Variants in CD38 observed in about 807,000 individuals in gnomAD.
The protein encoded by CD38 is CD38 molecule, also known as ADP-ribosyl cyclase/cyclic ADP-ribose hydrolase 1.
CD38 carries 31 observed loss-of-function variants against 36.3 expected under a neutral mutation model. The ratio of observed to expected loss-of-function variants is 0.85; its 90% CI spans 0.64 to 1.15. CD38 has a LOEUF of 1.15. Among genes scored for constraint, CD38 ranks in the 50% most tolerant of loss-of-function variants. The pLI, the probability that CD38 is intolerant of heterozygous loss-of-function variation, is 0.00. For missense variants in CD38, 380 were observed against 371.9 expected (o/e 1.02, Z -0.18); for synonymous variants, 131 against 135.2 (o/e 0.97, Z 0.22).
chr4:15,791,173 T>TGGGG (rs1560307627), intron 1 of CD38, among the ~76,000 whole-genome samples: 1 of 72,534 alleles, frequency 1.4e-5, no homozygotes, highest in African/African-American at 7.2e-5. Flanking sequence ...GGGAGGGAGG[T>TGGGG]GGGGGGGTCA....
chr4:15,791,475 G>T (rs1234730783), intron 1 of CD38, among the ~76,000 whole-genome samples: 1 of 44,438 alleles, frequency 2.3e-5, no homozygotes, highest in Non-Finnish European at 3.9e-5. Flanking sequence ...CGGGAGGGAG[G>T]TGGGGGGGGG....
At chr4:15,785,905 C>T (rs73131136) in intron 1 of CD38, among the ~76,000 whole-genome samples, 4,063 of 152,240 alleles carry the variant, frequency 0.027, 185 homozygotes, top group African/African-American at 0.093. Context: ...TTCGGAGTTT[C>T]TTCCTTCTGG....
intron 3 of CD38, among the ~76,000 whole-genome samples, chr4:15,830,531 A>G (rs1322408249): frequency 6.6e-6 from 1 of 152,122 alleles, no homozygotes; most frequent in Admixed American, 6.5e-5. Context: ...ATTTTCTCCC[A>G]TTCTGTGGGC....
intron 1 of CD38, among the ~76,000 whole-genome samples, chr4:15,792,695 A>G (rs1723030698): frequency 6.6e-6 from 1 of 152,192 alleles, no homozygotes; most frequent in Non-Finnish European, 1.5e-5. Flanking sequence ...TTGTCTGTAA[A>G]TCTTTCAGTC....
chr4:15,816,629 C>T lies in CD38; in HGVS notation c.352C>T (p.Pro118Ser), dbSNP rs1389566347. 3.7e-6 allele frequency: 6 copies of T among 1,613,728 alleles called. No individual in the cohort carries two copies. The highest frequency in any genetic ancestry group is 2.5e-6 in the Non-Finnish European group (3 of 1,179,852). The change falls in exon 2 of 8, where the codon CCT (proline) becomes TCT (serine). Residue 118 changes from proline (P) to serine (S), a missense_variant. Pro to Ser is a moderately conservative substitution (Grantham distance 74, BLOSUM62 -1). Transcript: ENST00000226279. Reference protein sequence around the residue: ...PLMKLGTQTVPCNKILLWSRI... With the variant: ...PLMKLGTQTVSCNKILLWSRI... ...AATGAAGTTGGGAACTCAGACCGTA[C>T]CTTGCAACAAGGTAATTGGGGGCAT...
At chr4:15,817,663 A>C (rs1411711564) in intron 2 of CD38, among the ~76,000 whole-genome samples, 1 of 152,196 alleles carries the variant, frequency 6.6e-6, no homozygotes, top group Non-Finnish European at 1.5e-5. Context: ...CTCAAGGTGA[A>C]ACACCTGATA....
intron 2 of CD38, among the ~76,000 whole-genome samples, chr4:15,817,154 C>A (rs1723619592): frequency 6.6e-6 from 1 of 152,156 alleles, no homozygotes; most frequent in Non-Finnish European, 1.5e-5. Context: ...AGTGAGAAAA[C>A]TGAGGGTTGG....
chr4:15,820,525 C>A (rs185076824), intron 2 of CD38, among the ~76,000 whole-genome samples: 8 of 152,070 alleles, frequency 5.3e-5, no homozygotes, highest in Admixed American at 1.3e-4. Context: ...CAGAAAAGAG[C>A]AGGGGTTGCA....
intron 1 of CD38, among the ~76,000 whole-genome samples, chr4:15,800,798 T>C (rs1723203703): frequency 6.6e-6 from 1 of 151,998 alleles, no homozygotes; most frequent in Non-Finnish European, 1.5e-5. Flanking sequence ...GTAAAAGCAG[T>C]ACTAGGAGGA....
At chr4:15,790,586 C>T (rs1223975412) in intron 1 of CD38, among the ~76,000 whole-genome samples, 1 of 152,222 alleles carries the variant, frequency 6.6e-6, no homozygotes, top group South Asian at 2.1e-4. Context: ...GCAGCCTCTG[C>T]CCGGCCGCCA....
intron 2 of CD38, among the ~76,000 whole-genome samples, chr4:15,821,948 A>G (rs770834283): frequency 4.6e-5 from 7 of 152,118 alleles, no homozygotes; most frequent in Non-Finnish European, 8.8e-5. Context: ...TCTCAACAAA[A>G]TACTGGCAAA....
chr4:15,791,693 C>A (rs1722997682), intron 1 of CD38, among the ~76,000 whole-genome samples: 1 of 88,500 alleles, frequency 1.1e-5, no homozygotes, highest in Non-Finnish European at 2.1e-5. Flanking sequence ...CAGCCCCCCG[C>A]CTGGCCAGCC....
rs1724344457 is a variant in CD38, at chr4:15,849,669, T to A, written c.*1067T>A. Reference sequence around the variant, plus strand: ...TGAGGGCTTTAACAATTGTATTACTTTTTCAAAGAACTAAGCTTTAGCTTC... The same window carrying A: ...TGAGGGCTTTAACAATTGTATTACTATTTCAAAGAACTAAGCTTTAGCTTC... On this transcript the variant is annotated 3_prime_UTR_variant, in exon 8 of 8. Transcript: ENST00000226279. The A allele has an allele frequency of 6.6e-6, 1 of 152,242 alleles. No homozygotes were observed. Among genetic ancestry groups the A allele is most frequent in the South Asian group, 2.1e-4 (1 of 4,836 alleles). The allele number at this position is 152,242 out of a possible 1,614,324, so 9.4% of individuals were successfully genotyped here. A position where few individuals can be genotyped will look rare whatever the true frequency, so the allele number is the denominator to read the frequency against.
chr4:15,834,295 C>G lies in CD38; in HGVS notation c.578C>G (p.Ser193Cys), dbSNP rs150171847. 4.4e-6 allele frequency: 7 copies of G among 1,607,296 alleles called. No homozygotes were observed. The African/African-American group carries it at 9.4e-5, about 21-fold the overall frequency. The change falls in exon 4 of 8, where the codon TCC (serine) becomes TGC (cysteine). Residue 193 changes from serine to cysteine, a missense_variant. Coordinates refer to ENST00000226279, the MANE Select transcript of CD38 (RefSeq NM_001775.4). ...NPVSVFWKTV[S>C]RRFAEAACDV... ...GTTTCAGTATTCTGGAAAACGGTTT[C>G]CCGCAGGGTAAGTACCAAGTAGTGA... is the stretch of plus-strand genomic sequence containing the variant.
At chr4:15,791,285 C>T (rs1197108652) in intron 1 of CD38, among the ~76,000 whole-genome samples, 3 of 64,778 alleles carry the variant, frequency 4.6e-5, no homozygotes, top group African/African-American at 2.9e-4. Flanking sequence ...CCAGCCACCC[C>T]GTCCGGGAGG....
intron 3 of CD38, chr4:15,825,903 A>ACC (rs904012063): frequency 1.3e-5 from 2 of 151,150 alleles, no homozygotes; most frequent in Non-Finnish European, 2.9e-5. Flanking sequence ...TCAACACCTC[A>ACC]CCAGGGGAAG....
At chr4:15,821,694 CAAA>C (rs59688929) in intron 2 of CD38, among the ~76,000 whole-genome samples, 56 of 77,794 alleles carry the variant, frequency 7.2e-4, no homozygotes, top group African/African-American at 1.9e-3. Context: ...AAATACCAAC[CAAA>C]AAAAAAAAAA....
intron 1 of CD38, among the ~76,000 whole-genome samples, chr4:15,790,699 C>T (rs1274308803): frequency 6.6e-6 from 1 of 151,816 alleles, no homozygotes; most frequent in Non-Finnish European, 1.5e-5. Flanking sequence ...AGGAGCGTCT[C>T]TGCCCGGCCG....
intron 3 of CD38, among the ~76,000 whole-genome samples, chr4:15,826,456 T>C (rs202067250): frequency 2.1e-5 from 2 of 93,706 alleles, no homozygotes; most frequent in African/African-American, 1.2e-4. Context: ...AACACTTTTG[T>C]GCGCACACAC....
Sources: allele counts gnomAD v4.1 joint callset (sites outside exome capture counted in the v4.1 genomes callset), GRCh38; gene constraint gnomAD v4.1.1; transcripts MANE v1.5; gene names NCBI Gene and HGNC (gene_info 2026-07-23, HGNC 2026-07-21).